ATG4B: variants seen among roughly 807,000 people sequenced by gnomAD.
The protein encoded by ATG4B is autophagy related 4B cysteine peptidase.
In ATG4B, 29 loss-of-function variants were observed where a neutral mutation model predicts 56.6. The observed-to-expected ratio is 0.51, with a 90% CI of 0.38 to 0.70. The LOEUF (loss-of-function observed/expected upper bound fraction) is 0.70. ATG4B is among the 30% of genes least tolerant of loss of function. The pLI, the probability that ATG4B is intolerant of heterozygous loss-of-function variation, is 0.00. For missense variants in ATG4B, 461 were observed against 515.5 expected, an observed-to-expected ratio of 0.89 and a Z score of 1.02; for synonymous variants, 224 against 206.1, an observed-to-expected ratio of 1.09 and a Z score of -0.74.
chr2:241,653,488 TTCTC>T lies in ATG4B; in HGVS notation c.185-18_185-15del, dbSNP rs1313828775. On this transcript the variant is annotated intron_variant, in intron 3 of 12. Transcript: ENST00000404914. Reference sequence around the variant, plus strand: ...TGTGGGGCCATCTGGCCATGAGCACTTCTCTCTCTGTCTGCCACGACAGGGGGGA... The same window carrying T: ...TGTGGGGCCATCTGGCCATGAGCACTTCTCTGTCTGCCACGACAGGGGGGA... The T allele has an allele frequency of 6.4e-6, 10 of 1,560,960 alleles. No homozygotes were observed. In the South Asian group the frequency reaches 8.3e-5, roughly 13 times the overall value.
chr2:241,659,539 G>A, intron 7 of ATG4B: 2 of 365,246 alleles, frequency 5.5e-6, no homozygotes, highest in South Asian at 2.1e-5. Context: ...GCGACAGAGA[G>A]ATGTAGCAAC....
At chr2:241,671,864 C>G in intron 12 of ATG4B, 1 of 1,297,300 alleles carries the variant, frequency 7.7e-7, no homozygotes, top group Non-Finnish European at 9.8e-7. Context: ...ATCTCTGTCT[C>G]CCTGTGGGAA....
chr2:241,661,040 C>A (rs2068576353), intron 7 of ATG4B, among the ~76,000 whole-genome samples: 1 of 152,194 alleles, frequency 6.6e-6, no homozygotes, highest in Non-Finnish European at 1.5e-5. Flanking sequence ...CAGCTCCGTC[C>A]CTTCGGGAGT....
intron 6 of ATG4B, among the ~76,000 whole-genome samples, chr2:241,657,091 T>A (rs2068429176): frequency 6.6e-6 from 1 of 151,560 alleles, no homozygotes. Flanking sequence ...TTCTCCTGCC[T>A]CAGCCTCCCC....
chr2:241,659,785 T>C, intron 7 of ATG4B: 1 of 164,562 alleles, frequency 6.1e-6, no homozygotes. Flanking sequence ...CCTCATTGCC[T>C]TTTTCACTCA....
At chr2:241,649,237 G>T (rs1433643775) in intron 1 of ATG4B, among the ~76,000 whole-genome samples, 1 of 151,948 alleles carries the variant, frequency 6.6e-6, no homozygotes, top group Non-Finnish European at 1.5e-5. Context: ...GTGGAGATCT[G>T]TGTTTATGTA....
intron 1 of ATG4B, among the ~76,000 whole-genome samples, chr2:241,640,030 C>G (rs2067837438): frequency 6.6e-6 from 1 of 152,158 alleles, no homozygotes; most frequent in African/African-American, 2.4e-5. Flanking sequence ...CTGCCTCTAT[C>G]ATTTCGATAC....
intron 1 of ATG4B, among the ~76,000 whole-genome samples, chr2:241,643,407 G>C (rs1423596017): frequency 7.8e-6 from 1 of 127,836 alleles, no homozygotes; most frequent in Non-Finnish European, 1.6e-5. Flanking sequence ...GGGTCTCCCT[G>C]TATTGCCCAG....
rs373947997 is a variant in ATG4B, at chr2:241,659,060, G to A, written c.459-48G>A. The A allele has an allele frequency of 1.1e-3, 1,645 of 1,437,336 alleles. 2 individuals are homozygous for A. Among genetic ancestry groups the A allele is most frequent in the Non-Finnish European group, 1.5e-3 (1,524 of 1,050,002 alleles). 89.0% of individuals were successfully genotyped at this position (1,437,336 alleles called of 1,614,324 possible). A position where few individuals can be genotyped will look rare whatever the true frequency, so the allele number is the denominator to read the frequency against. On this transcript the variant is annotated intron_variant, in intron 6 of 12. Coordinates refer to ENST00000404914, the MANE Select transcript of ATG4B (RefSeq NM_013325.5). ...GCAGCTATAGCTGCAAAGATGAACC[G>A]TCTTTGAATTGTACAAAAGCTTATG... is the stretch of plus-strand genomic sequence containing the variant.
At chr2:241,637,872 GGGGCGGTGTTGGTGGGTGGT>G in intron 1 of ATG4B, 148 bp downstream of exon 1, 1 of 889,188 alleles carries the variant, frequency 1.1e-6, no homozygotes, top group Non-Finnish European at 1.5e-6. Context: ...GCGGGAGCGC[GGGGCGGTGTTGGTGGGTGGT>G]GGGCGGTGGG....
chr2:241,655,093 C>T lies in ATG4B; in HGVS notation c.386-178C>T, dbSNP rs141960041. 2.2e-3 allele frequency: 1,410 copies of T among 632,284 alleles called. 15 individuals are homozygous for T. The African/African-American group carries it at 0.024, about 11-fold the overall frequency. The allele number at this position is 632,284 out of a possible 1,614,324, so 39.2% of individuals were successfully genotyped here. Reference sequence around the variant, plus strand: ...TCTAAGTTCATAGTGAAGGACAGTCCCTGAGACCTTGTTTGCCCCCTCATG... The same window carrying T: ...TCTAAGTTCATAGTGAAGGACAGTCTCTGAGACCTTGTTTGCCCCCTCATG... On this transcript the variant is annotated intron_variant, in intron 5 of 12. Transcript: ENST00000404914.
At chr2:241,666,472 G>T (rs2068774896) in intron 7 of ATG4B, 173 bp from the exon 8 acceptor site, 1 of 679,970 alleles carries the variant, frequency 1.5e-6, no homozygotes, top group East Asian at 2.7e-5. Flanking sequence ...TGGGTGGCAA[G>T]ATTATGAAAA....
At chr2:241,642,872 C>CTT (rs1165718825) in intron 1 of ATG4B, among the ~76,000 whole-genome samples, 11 of 104,258 alleles carry the variant, frequency 1.1e-4, no homozygotes, top group Admixed American at 7.8e-4. Flanking sequence ...CCTCTCCGTC[C>CTT]TTTTTTTTTT....
intron 7 of ATG4B, among the ~76,000 whole-genome samples, chr2:241,661,444 G>A (rs888078822): frequency 6.6e-6 from 1 of 152,190 alleles, no homozygotes. Flanking sequence ...AGGGCAGGAA[G>A]CAGGCTGCTT....
chr2:241,662,775 A>T (rs1400148976), intron 7 of ATG4B, among the ~76,000 whole-genome samples: 1 of 151,698 alleles, frequency 6.6e-6, no homozygotes, highest in African/African-American at 2.4e-5. Flanking sequence ...TATAATCCCA[A>T]CTTCAAAATC....
Position 241,670,759 on chromosome 2 carries a change from G to C in ATG4B, c.991G>C (p.Asp331His). 6.2e-7 allele frequency: 1 copy of C among 1,610,982 alleles called. No homozygotes were observed. Among genetic ancestry groups the C allele is most frequent in the Non-Finnish European group, 8.5e-7 (1 of 1,178,612 alleles). ...CTGTAAGACTGAAGATGACTTCAATGATTGGTGCCAGCAAGTCAAAAAGGT... is the reference window on the plus strand; with the variant it reads ...CTGTAAGACTGAAGATGACTTCAATCATTGGTGCCAGCAAGTCAAAAAGGT... The part of the protein sequence containing the change: ...FFCKTEDDFN[D>H]WCQQVKKLSL... Residue 331 changes from aspartate to histidine, a missense_variant, in exon 11 of 13, where the codon GAT becomes CAT. Transcript: ENST00000404914.
chr2:241,654,579 A>T lies in ATG4B; in HGVS notation c.317A>T (p.Asp106Val), dbSNP rs753998612. The T allele has an allele frequency of 6.9e-6, 11 of 1,602,002 alleles. No homozygotes were observed. In the East Asian group the frequency reaches 2.0e-4, roughly 29 times the overall value. ...WRWTQRKRQP[D>V]SYFSVLNAFI... ...TGGACACAAAGGAAGAGGCAGCCAG[A>T]CAGCTACTTCAGCGTCCTCAACGCA... is the stretch of plus-strand genomic sequence containing the variant. Residue 106 changes from aspartate to valine, a missense_variant, in exon 5 of 13, where the codon GAC becomes GTC. Coordinates refer to ENST00000404914, the MANE Select transcript of ATG4B (RefSeq NM_013325.5).
At chr2:241,650,295 G>A (rs2068190643) in intron 1 of ATG4B, among the ~76,000 whole-genome samples, 1 of 152,108 alleles carries the variant, frequency 6.6e-6, no homozygotes, top group Non-Finnish European at 1.5e-5. Context: ...GGTACCTCTG[G>A]GGACTTGGCA....
intron 1 of ATG4B, among the ~76,000 whole-genome samples, chr2:241,648,602 A>G (rs2068133906): frequency 6.7e-6 from 1 of 149,966 alleles, no homozygotes; most frequent in Non-Finnish European, 1.5e-5. Context: ...CTCAAAAAAA[A>G]AAAAGAAAAA....
Sources: allele counts gnomAD v4.1 joint callset (sites outside exome capture counted in the v4.1 genomes callset), GRCh38; gene constraint gnomAD v4.1.1; transcripts MANE v1.5; gene names NCBI Gene and HGNC (gene_info 2026-07-23, HGNC 2026-07-21).